The following CSTPP1 variants were observed in gnomAD, a reference collection of about 807,000 sequenced individuals.
CSTPP1 encodes centriolar satellite-associated tubulin polyglutamylase complex regulator 1.
chr11:47,104,155 G>A, the CSTPP1 span, among the ~76,000 whole-genome samples: 1 of 152,118 alleles, frequency 6.6e-6, no homozygotes, highest in Non-Finnish European at 1.5e-5. Context: ...AGCATTCATT[G>A]CTATGGGTAT....
chr11:47,012,684 G>A, the CSTPP1 span, among the ~76,000 whole-genome samples: 2 of 151,998 alleles, frequency 1.3e-5, no homozygotes, highest in East Asian at 3.9e-4. Flanking sequence ...TGGCAGGTAC[G>A]ACTGGATTCA....
chr11:47,146,814 C>G, the CSTPP1 span, among the ~76,000 whole-genome samples: 8 of 152,176 alleles, frequency 5.3e-5, no homozygotes, highest in African/African-American at 1.7e-4. Context: ...CATATTCATA[C>G]CATAGTTGTG....
the CSTPP1 span, among the ~76,000 whole-genome samples, chr11:46,996,036 CTTCT>C: frequency 1.3e-5 from 2 of 152,000 alleles, no homozygotes; most frequent in East Asian, 1.9e-4. Flanking sequence ...ATGTAATGGC[CTTCT>C]TTGTCTCTTT....
At chr11:46,951,094 A>G in the CSTPP1 span, among the ~76,000 whole-genome samples, 3 of 152,070 alleles carry the variant, frequency 2.0e-5, no homozygotes, top group Admixed American at 6.6e-5. Context: ...AACTTGTCCA[A>G]GGTCACTGAG....
chr11:47,154,081 A>G, the CSTPP1 span, among the ~76,000 whole-genome samples: 1 of 151,936 alleles, frequency 6.6e-6, no homozygotes, highest in Non-Finnish European at 1.5e-5. Context: ...CTGGGACTAC[A>G]GGTGCCCACC....
chr11:47,038,641 C>A, the CSTPP1 span, among the ~76,000 whole-genome samples: 3 of 117,884 alleles, frequency 2.5e-5, no homozygotes, highest in African/African-American at 7.7e-5. Context: ...CTGACCCCCC[C>A]ACCTCTCTCC....
chr11:47,158,628 C>T, the CSTPP1 span, among the ~76,000 whole-genome samples: 2 of 152,172 alleles, frequency 1.3e-5, no homozygotes, highest in South Asian at 2.1e-4. Flanking sequence ...CTCGACCTCC[C>T]GGGCTCAAGT....
the CSTPP1 span, among the ~76,000 whole-genome samples, chr11:47,029,627 A>AG: frequency 3.3e-5 from 5 of 152,096 alleles, no homozygotes; most frequent in Admixed American, 2.0e-4. Flanking sequence ...AAAAAAAAAA[A>AG]AAATCATAAT....
chr11:47,130,328 G>A, the CSTPP1 span, among the ~76,000 whole-genome samples: 1 of 152,106 alleles, frequency 6.6e-6, no homozygotes, highest in African/African-American at 2.4e-5. Flanking sequence ...ATGCTCTGGG[G>A]AGTAATGAGC....
At chr11:47,025,814 T>A in the CSTPP1 span, among the ~76,000 whole-genome samples, 37 of 152,352 alleles carry the variant, frequency 2.4e-4, no homozygotes, top group African/African-American at 8.9e-4. Context: ...CCTTAAAATG[T>A]TGTCTAGTGC....
the CSTPP1 span, chr11:47,041,992 C>T: frequency 1.0e-5 from 2 of 200,186 alleles, no homozygotes; most frequent in African/African-American, 4.6e-5. Context: ...TCACTTGAAG[C>T]CAGGAGTTTG....
the CSTPP1 span, among the ~76,000 whole-genome samples, chr11:47,038,264 C>T: frequency 8.8e-6 from 1 of 113,214 alleles, no homozygotes; most frequent in African/African-American, 2.7e-5. Context: ...GATGGGGCGG[C>T]TGGCCGGGCG....
chr11:46,945,260 G>A, the CSTPP1 span, among the ~76,000 whole-genome samples: 1 of 152,154 alleles, frequency 6.6e-6, no homozygotes, highest in South Asian at 2.1e-4. Context: ...TAAAATAGGT[G>A]TTAAACTGAC....
chr11:47,005,332 T>C, the CSTPP1 span, among the ~76,000 whole-genome samples: 1 of 152,348 alleles, frequency 6.6e-6, no homozygotes, highest in East Asian at 1.9e-4. Flanking sequence ...AGTATTGTTA[T>C]AGAGCTTCAA....
At chr11:47,138,036 T>G in the CSTPP1 span, 1 of 378,782 alleles carries the variant, frequency 2.6e-6, no homozygotes, top group Non-Finnish European at 4.7e-6. Flanking sequence ...CCCTAGAGGA[T>G]ATTCTGAGAA....
the CSTPP1 span, chr11:47,109,460 CAA>C: frequency 6.6e-6 from 1 of 152,142 alleles, no homozygotes; most frequent in Non-Finnish European, 1.5e-5. Flanking sequence ...CTGAACCACT[CAA>C]GAGTTGTTTT....
the CSTPP1 span, among the ~76,000 whole-genome samples, chr11:46,955,381 TC>T: frequency 2.6e-5 from 4 of 151,590 alleles, no homozygotes; most frequent in African/African-American, 4.8e-5. Context: ...TTTTTTTTTT[TC>T]GAGACAGGGT....
At chr11:47,012,683 C>T in the CSTPP1 span, among the ~76,000 whole-genome samples, 1,361 of 152,008 alleles carry the variant, frequency 9.0e-3, 20 homozygotes, top group African/African-American at 0.029. Context: ...CTGGCAGGTA[C>T]GACTGGATTC....
At chr11:46,966,816 G>A in the CSTPP1 span, among the ~76,000 whole-genome samples, 1 of 152,214 alleles carries the variant, frequency 6.6e-6, no homozygotes, top group Non-Finnish European at 1.5e-5. Flanking sequence ...ATATTTGTAA[G>A]TGAAACTGGC....
Sources: gnomAD v4.1 joint callset for allele counts (sites outside exome capture counted in the v4.1 genomes callset) on GRCh38, gnomAD v4.1.1 for gene constraint, MANE v1.5 for transcripts, NCBI Gene and HGNC (gene_info 2026-07-23, HGNC 2026-07-21) for gene names.